Variants in NCAPG observed in about 807,000 individuals in gnomAD.
NCAPG encodes the protein non-SMC condensin I complex subunit G, also known as condensin complex subunit 3.
Under a neutral mutation model 113.1 loss-of-function variants are expected in NCAPG, and 69 were observed. The ratio of observed to expected loss-of-function variants is 0.61; its 90% confidence interval spans 0.50 to 0.75. The LOEUF is 0.75. Among genes scored for constraint, NCAPG ranks in the 30% least tolerant of loss-of-function variants. NCAPG has a pLI of 0.00. For missense variants in NCAPG, 1,058 were observed against 1,177.0 expected (o/e 0.90, Z 1.48); for synonymous variants, 370 against 415.8 (o/e 0.89, Z 1.34).
At chr4:17,828,718 A>G (rs16895832) in intron 12 of NCAPG, among the ~76,000 whole-genome samples, 3,622 of 152,224 alleles carry the variant, frequency 0.024, 149 homozygotes, top group African/African-American at 0.082. Context: ...GAATTGTGCT[A>G]CGTAATGAGA....
chr4:17,835,839 T>C (rs914231782), intron 14 of NCAPG, among the ~76,000 whole-genome samples: 8 of 152,238 alleles, frequency 5.3e-5, no homozygotes, highest in Non-Finnish European at 1.0e-4. Context: ...ATTTTATGTA[T>C]ATATGGTGAT....
chr4:17,843,410 T>C lies in NCAPG; in HGVS notation c.3033T>C (p.Asn1011=), dbSNP rs1560238138. The C allele has an allele frequency of 2.5e-6, 4 of 1,611,310 alleles. No individual in the cohort carries two copies. The highest frequency in any genetic ancestry group is 2.5e-6 in the Non-Finnish European group (3 of 1,177,816). ...AACTTAACCTTGCCCAATTTCTCAA[T>C]GAAGATCTAAGTTAGGAAAGACGAT... ...KSKLNLAQFL[N]EDLS is the part of the protein sequence containing the mutation. Residue 1011 remains asparagine, a synonymous_variant, in exon 21 of 21, where the codon AAT becomes AAC. Coordinates refer to ENST00000251496, the MANE Select transcript of NCAPG (RefSeq NM_022346.5).
Position 17,815,433 on chromosome 4 carries a change from G to T in NCAPG, c.775+75G>T, listed in dbSNP as rs1004115667. ...AGACTTAACAAGGTTTAAGAAACGA[G>T]TGTCAAATCAGGTCAAGTAAGCCTG... On this transcript the variant is annotated intron_variant, in intron 5 of 20. Coordinates refer to ENST00000251496, the MANE Select transcript of NCAPG (RefSeq NM_022346.5). 6 of 1,096,976 alleles carry T rather than the reference G, an allele frequency of 5.5e-6. No individual in the cohort carries two copies. In the South Asian group the frequency reaches 5.8e-5, roughly 11 times the overall value. The allele number at this position is 1,096,976 out of a possible 1,614,324, so 68.0% of individuals were successfully genotyped here. A position where few individuals can be genotyped will look rare whatever the true frequency, so the allele number is the denominator to read the frequency against.
At chr4:17,828,054 G>A (rs1231023308) in intron 11 of NCAPG, among the ~76,000 whole-genome samples, 1 of 151,986 alleles carries the variant, frequency 6.6e-6, no homozygotes, top group Non-Finnish European at 1.5e-5. Context: ...ACCTGCCTTG[G>A]CCCCCCAAAG....
intron 12 of NCAPG, among the ~76,000 whole-genome samples, chr4:17,829,964 G>T (rs1380792209): frequency 6.6e-6 from 1 of 152,178 alleles, no homozygotes; most frequent in East Asian, 1.9e-4. Flanking sequence ...AACTATTCAT[G>T]GAAGGTGACC....
rs778523104 is a variant in NCAPG, at chr4:17,831,027, G to C, written c.1795G>C (p.Val599Leu). 1 of 1,613,258 alleles carries C rather than the reference G, an allele frequency of 6.2e-7. No homozygotes were observed. The highest frequency in any genetic ancestry group is 8.5e-7 in the Non-Finnish European group (1 of 1,179,506). ...ILPGIISIHP[V>L]VRNLAVLCLG... The stretch of plus-strand genomic sequence containing the variant: ...TCCTGGAATAATAAGTATTCATCCT[G>C]TTGTAAGAAACCTGGCTGTTTTATG... Residue 599 changes from valine to leucine, a missense_variant, in exon 13 of 21, where the codon GTT (valine) becomes CTT (leucine). Val to Leu is a conservative substitution (Grantham distance 32, BLOSUM62 1). Transcript: ENST00000251496.
chr4:17,830,038 T>C (rs931002553), intron 12 of NCAPG, among the ~76,000 whole-genome samples: 1 of 152,172 alleles, frequency 6.6e-6, no homozygotes, highest in African/African-American at 2.4e-5. Context: ...TTTAATATGG[T>C]AGCTGTCAGC....
rs200246026 is a variant in NCAPG, at chr4:17,812,331, G to T, written c.222G>T (p.Lys74Asn). The change falls in exon 2 of 21, where the codon AAG (lysine) becomes AAT (asparagine). Residue 74 changes from lysine to asparagine, a missense_variant. Coordinates refer to ENST00000251496, the MANE Select transcript of NCAPG (RefSeq NM_022346.5). ...AGAGGGTAATAGAATTTGCAGCAAA[G>T]TTTGTTACCTCATTTCACCAATCAG... is the stretch of plus-strand genomic sequence containing the variant. The part of the protein sequence containing the change: ...AVERVIEFAA[K>N]FVTSFHQSDM... The T allele has an allele frequency of 1.7e-5, 27 of 1,613,800 alleles. No individual in the cohort carries two copies. The East Asian group carries it at 3.8e-4, about 23-fold the overall frequency.
rs1722001887 is a variant in NCAPG, at chr4:17,834,470, A to T, written c.2056A>T (p.Thr686Ser). 1 of 1,609,332 alleles carries T rather than the reference A, an allele frequency of 6.2e-7. No homozygotes were observed. Among genetic ancestry groups the T allele is most frequent in the Non-Finnish European group, 8.5e-7 (1 of 1,177,628 alleles). ...GCAAGAATCAAAAGAAGTTGAAGAG[A>T]CTGCTACAGCTAAGAATGTTCTGAA... ...DEQESKEVEE[T>S]ATAKNVLKLL... Residue 686 changes from threonine (T) to serine (S), a missense_variant, in exon 14 of 21, where the codon ACT (threonine) becomes TCT (serine). Thr to Ser is a moderately conservative substitution (Grantham distance 58). Coordinates refer to ENST00000251496, the MANE Select transcript of NCAPG (RefSeq NM_022346.5).
rs907260233 is a variant in NCAPG at position 17,840,643 on chromosome 4, G to C, written c.2804G>C (p.Gly935Ala). The C allele has an allele frequency of 6.4e-7, 1 of 1,558,808 alleles. No homozygotes were observed. The highest frequency in any genetic ancestry group is 8.7e-7 in the Non-Finnish European group (1 of 1,153,890). Residue 935 changes from glycine (G) to alanine (A), a missense_variant, in exon 19 of 21, where the codon GGT becomes GCT. Coordinates refer to ENST00000251496, the MANE Select transcript of NCAPG (RefSeq NM_022346.5). Reference protein sequence around the residue: ...NKEVYMTPLRGVKATQASKST... With the variant: ...NKEVYMTPLRAVKATQASKST... ...GAAGTATATATGACTCCACTCAGGG[G>C]TGTAAAAGCAACCCAAGCATCAAAG...
At position 17,816,116 on chromosome 4, in the gene NCAPG, G is replaced by C. The variant is rs143040518; in HGVS notation, c.775+758G>C. On this transcript the variant is annotated intron_variant, in intron 5 of 20. Transcript: ENST00000251496. ...GTTCCCCAACATTTTTGACACCAAG[G>C]ATCGATTTCATGGAAGACAGTTTTT... Among the ~76,000 whole-genome samples, 579 of 151,746 alleles carry C rather than the reference G, an allele frequency of 3.8e-3. 14 individuals carry two copies. The East Asian group carries it at 0.059, about 15-fold the overall frequency.
rs1721055636 is a variant in NCAPG at position 17,812,857 on chromosome 4, TATTG to T, written c.316-56_316-53del. ...TTCCGAATGTATAGAGTTCAGATAA[TATTG>T]ATTATTTGGGAGTGGTATGTGACTA... On this transcript the variant is annotated intron_variant, in intron 2 of 20. Transcript: ENST00000251496. 5 of 1,357,430 alleles carry T rather than the reference TATTG, an allele frequency of 3.7e-6. No homozygotes were observed. The South Asian group carries it at 6.1e-5, about 17-fold the overall frequency. The allele number at this position is 1,357,430 out of a possible 1,614,324, so 84.1% of individuals were successfully genotyped here.
At position 17,823,662 on chromosome 4, in the gene NCAPG, T is replaced by A; in HGVS notation, c.1275T>A (p.Ala425=). 1 of 1,608,054 alleles carries A rather than the reference T, an allele frequency of 6.2e-7. No individual in the cohort carries two copies. The highest frequency in any genetic ancestry group is 8.5e-7 in the Non-Finnish European group (1 of 1,177,480). Residue 425 remains alanine (A), a synonymous_variant, in exon 9 of 21, where the codon GCT becomes GCA. Coordinates refer to ENST00000251496, the MANE Select transcript of NCAPG (RefSeq NM_022346.5). The part of the protein sequence containing the change: ...SEEGGRKKLL[A]VLQEILILPT... Reference sequence around the variant, plus strand: ...TTGACTGCAGAAAAAAACTGCTGGCTGTTTTACAGGAGATTCTTATTTTAC... The same window carrying A: ...TTGACTGCAGAAAAAAACTGCTGGCAGTTTTACAGGAGATTCTTATTTTAC...
chr4:17,826,497 G>A (rs1577340050), intron 11 of NCAPG, among the ~76,000 whole-genome samples: 1 of 151,968 alleles, frequency 6.6e-6, no homozygotes, highest in East Asian at 1.9e-4. Context: ...GAAGTCTGTG[G>A]GCCATTATAG....
intron 5 of NCAPG, among the ~76,000 whole-genome samples, chr4:17,816,234 G>A (rs1282257050): frequency 6.6e-6 from 1 of 152,040 alleles, no homozygotes; most frequent in Non-Finnish European, 1.5e-5. Context: ...CGTGCAACCT[G>A]GATACCTCAT....
intron 16 of NCAPG, among the ~76,000 whole-genome samples, chr4:17,838,246 G>A (rs1487370391): frequency 3.3e-5 from 5 of 152,098 alleles, no homozygotes; most frequent in Non-Finnish European, 5.9e-5. Context: ...AACTTAAGCT[G>A]GGTTGTTTTA....
intron 12 of NCAPG, among the ~76,000 whole-genome samples, chr4:17,828,641 G>C (rs943565910): frequency 6.6e-6 from 1 of 152,016 alleles, no homozygotes; most frequent in Non-Finnish European, 1.5e-5. Flanking sequence ...AAGAGATACA[G>C]AATATCTTCA....
rs1251426880 is a variant in NCAPG at position 17,811,018 on chromosome 4, G to A, written c.-60G>A. On this transcript the variant is annotated 5_prime_UTR_variant, in exon 1 of 21. Coordinates refer to ENST00000251496, the MANE Select transcript of NCAPG (RefSeq NM_022346.5). The surrounding 1 kb of genome is among the most constrained non-coding windows in gnomAD (Gnocchi z 5.3). The stretch of plus-strand genomic sequence containing the variant: ...CTCGGAGAGCGCTGCCTCTGGGTTG[G>A]CGGGCTGGCAGGCTGTAGCCGAGCG... 2 of 1,080,950 alleles carry A rather than the reference G, an allele frequency of 1.9e-6. No individual in the cohort carries two copies. Among genetic ancestry groups the A allele is most frequent in the Non-Finnish European group, 2.6e-6 (2 of 778,348 alleles). The allele number at this position is 1,080,950 out of a possible 1,614,324, so 67.0% of individuals were successfully genotyped here.
intron 11 of NCAPG, among the ~76,000 whole-genome samples, chr4:17,827,788 G>A (rs1721708106): frequency 1.3e-5 from 2 of 150,592 alleles, no homozygotes; most frequent in South Asian, 4.2e-4. Context: ...TGATAATTAG[G>A]CAAGATGAAG....
Sources: gnomAD v4.1 joint callset for allele counts (sites outside exome capture counted in the v4.1 genomes callset) on GRCh38, gnomAD v4.1.1 for gene constraint, Gnocchi (gnomAD v3.1) non-coding constraint, MANE v1.5 for transcripts, NCBI Gene and HGNC (gene_info 2026-07-23, HGNC 2026-07-21) for gene names.